The following IFT172 variants were observed in gnomAD, a reference collection of about 807,000 sequenced individuals.
IFT172 encodes intraflagellar transport 172, also known as intraflagellar transport protein 172 homolog.
In IFT172, 164 loss-of-function variants were observed where a neutral mutation model predicts 248.9. The ratio of observed to expected loss-of-function variants is 0.66; its 90% CI spans 0.58 to 0.75. IFT172 has a LOEUF of 0.75. Ranked by LOEUF, IFT172 falls within the 30% of genes least tolerant of loss-of-function variation. The probability of loss-of-function intolerance (pLI) is 0.00; values close to 1 mark genes in which losing one functional copy is unlikely to be tolerated. For missense variants in IFT172, 1,950 were observed against 2,192.4 expected (o/e 0.89, Z 2.21); for synonymous variants, 729 against 791.6 (o/e 0.92, Z 1.33).
intron 1 of IFT172, among the ~76,000 whole-genome samples, chr2:27,487,046 G>A (rs773216343): frequency 5.3e-5 from 8 of 151,856 alleles, no homozygotes; most frequent in African/African-American, 1.2e-4. Context: ...GGGCTCAAGC[G>A]ATTCTCCTGC....
In IFT172 at chr2:27,464,367, C is replaced by A. The variant is rs573486737; in HGVS notation, c.1937+1044G>T. 2.6e-5 allele frequency among the ~76,000 whole-genome samples: 4 copies of A among 152,266 alleles called. No individual in the cohort carries two copies. In the East Asian group the frequency reaches 7.7e-4, roughly 29 times the overall value. ...ATACTATTATTAACCCTATTCTACA[C>A]AGAGAAAATCAAGAAGCCAAGGTTT... On this transcript the variant is annotated intron_variant, in intron 18 of 47. Coordinates refer to ENST00000260570, the MANE Select transcript of IFT172 (RefSeq NM_015662.3).
Position 27,478,023 on chromosome 2 carries a change from C to T in IFT172, c.1139G>A (p.Gly380Glu). ...VAHTSETLLL[G>E]DLNTNRLSEI... ...ACTAAGCCGATTAGTGTTCAGGTCC[C>T]CCAGCAGCAGTGTTTCTGATGTGTG... Residue 380 changes from glycine (G) to glutamate (E), a missense_variant, in exon 11 of 48, where the codon GGG becomes GAG. Gly to Glu is a moderately conservative substitution (Grantham distance 98). Coordinates refer to ENST00000260570, the MANE Select transcript of IFT172 (RefSeq NM_015662.3). 1 of 1,614,156 alleles carries T rather than the reference C, an allele frequency of 6.2e-7. No individual in the cohort carries two copies. Among genetic ancestry groups the T allele is most frequent in the African/African-American group, 1.3e-5 (1 of 75,024 alleles).
chr2:27,471,497 A>C (rs1448261488), intron 15 of IFT172, among the ~76,000 whole-genome samples: 1 of 152,206 alleles, frequency 6.6e-6, no homozygotes, highest in Non-Finnish European at 1.5e-5. Context: ...CTCTGGTGCT[A>C]CCATATTGGG....
chr2:27,456,266 G>GT (rs1162170473), intron 30 of IFT172, among the ~76,000 whole-genome samples: 2 of 152,068 alleles, frequency 1.3e-5, no homozygotes, highest in Non-Finnish European at 2.9e-5. Flanking sequence ...TTACCCAGGA[G>GT]TAAGTTATTG....
chr2:27,448,312 A>T (rs1665352636), intron 40 of IFT172, among the ~76,000 whole-genome samples: 1 of 151,958 alleles, frequency 6.6e-6, no homozygotes, highest in Admixed American at 6.6e-5. Context: ...TGTTAGCCAC[A>T]ATGGTCTCGA....
rs1255731889 is a variant in IFT172 at position 27,463,394 on chromosome 2, AAAAAT to A, written c.1938-218_1938-214del. Reference sequence around the variant, plus strand: ...ATAATTAGTAAAATTGGAGATAATAAAAAATAAAATAAAGTAATGTAATATTACAG... The same window carrying A: ...ATAATTAGTAAAATTGGAGATAATAAAAAATAAAGTAATGTAATATTACAG... On this transcript the variant is annotated intron_variant, in intron 18 of 47. Transcript: ENST00000260570. Among the ~76,000 whole-genome samples the A allele has an allele frequency of 3.9e-5, 6 of 152,180 alleles. No homozygotes were observed. The East Asian group carries it at 7.7e-4, about 20-fold the overall frequency.
At chr2:27,447,458 A>G in intron 42 of IFT172, 57 bp downstream of exon 42, 1 of 1,592,916 alleles carries the variant, frequency 6.3e-7, no homozygotes, top group East Asian at 2.2e-5. Context: ...ATTCAGCTTT[A>G]TACATTTGCA....
intron 16 of IFT172, among the ~76,000 whole-genome samples, chr2:27,467,817 T>C (rs940775964): frequency 3.3e-5 from 5 of 152,048 alleles, no homozygotes; most frequent in African/African-American, 1.2e-4. Flanking sequence ...GATGAAAATA[T>C]GTGTATTCAT....
intron 47 of IFT172, 142 bp downstream of exon 47, chr2:27,444,872 C>T (rs1664907042): frequency 1.2e-6 from 1 of 863,328 alleles, no homozygotes; most frequent in Non-Finnish European, 1.8e-6. Context: ...TGGTCTCAAA[C>T]TCCTGACCTC....
rs375377748 is a variant in IFT172, at chr2:27,454,517, G to T, written c.3465+50C>A. 6.1e-5 allele frequency: 98 copies of T among 1,609,872 alleles called. No homozygotes were observed. The African/African-American group carries it at 1.1e-3, about 18-fold the overall frequency. On this transcript the variant is annotated intron_variant, in intron 31 of 47. Coordinates refer to ENST00000260570, the MANE Select transcript of IFT172 (RefSeq NM_015662.3). This position sits in a 1 kb window ranked among gnomAD's most constrained non-coding sequence, Gnocchi z 4.2. Reference sequence around the variant, plus strand: ...CTGCACACCCAGCAGCAGTGCACTAGGGGATGGAATAAGAGGGCTCTGCGG... The same window carrying T: ...CTGCACACCCAGCAGCAGTGCACTATGGGATGGAATAAGAGGGCTCTGCGG...
chr2:27,456,745 C>A, intron 29 of IFT172, 92 bp from the exon 30 acceptor site: 1 of 1,520,216 alleles, frequency 6.6e-7, no homozygotes, highest in Non-Finnish European at 8.8e-7. Flanking sequence ...AGTAACTGTT[C>A]TAAATTGAAC....
chr2:27,467,898 T>A lies in IFT172; in HGVS notation c.1693-2016A>T, dbSNP rs191735980. 5.3e-3 allele frequency among the ~76,000 whole-genome samples: 809 copies of A among 151,962 alleles called. 7 individuals are homozygous for A. Among genetic ancestry groups the A allele is most frequent in the South Asian group, 0.011 (53 of 4,814 alleles). On this transcript the variant is annotated intron_variant, in intron 16 of 47. Coordinates refer to ENST00000260570, the MANE Select transcript of IFT172 (RefSeq NM_015662.3). The stretch of plus-strand genomic sequence containing the variant: ...ATTTATGGCTGGGTGCAGTGGCTCA[T>A]GCCTGTAATCCCAGCACTATGGGAG...
rs1357887988 is a variant in IFT172 at position 27,463,148 on chromosome 2, AG to A, written c.1970del (p.Ala657ValfsTer32). 6.2e-7 allele frequency: 1 copy of A among 1,614,212 alleles called. No individual in the cohort carries two copies. On this transcript the variant is annotated frameshift_variant, in exon 19 of 48. Coordinates refer to ENST00000260570, the MANE Select transcript of IFT172 (RefSeq NM_015662.3). LOFTEE classifies it high-confidence loss of function. The part of the protein sequence containing the change: ...CFSALGQVAK[A>X]RFLHETNEIA... ...TCTCATTGGTCTCATGCAGGAATCG[AG>A]CTTTTGCTACTTGGCCCAAAGCAGA...
chr2:27,453,035 C>T (rs887804182), intron 35 of IFT172: 14 of 359,870 alleles, frequency 3.9e-5, no homozygotes, highest in Non-Finnish European at 5.4e-5. Context: ...TCCAAGTCTT[C>T]CCTCCTTCTT....
chr2:27,453,952 C>T, intron 33 of IFT172, 30 bp downstream of exon 33: 1 of 1,585,982 alleles, frequency 6.3e-7, no homozygotes, highest in Non-Finnish European at 8.6e-7. Context: ...CTCTCCCCCT[C>T]CCCTCATGGC....
intron 14 of IFT172, chr2:27,475,351 T>C (rs1239776158): frequency 2.0e-5 from 3 of 152,314 alleles, no homozygotes; most frequent in Admixed American, 6.5e-5. Flanking sequence ...TGAATCACTG[T>C]AATAGTGAAA....
rs757728167 is a variant in IFT172 at position 27,453,449 on chromosome 2, C to T, written c.3886G>A (p.Val1296Met). Residue 1296 changes from valine to methionine, a missense_variant, in exon 35 of 48, where the codon GTG (valine) becomes ATG (methionine). This residue lies in a region of IFT172 where 620 missense variants were observed against 699.0 expected (regional missense o/e 0.89). Coordinates refer to ENST00000260570, the MANE Select transcript of IFT172 (RefSeq NM_015662.3). ...WEQAGEYSRA[V>M]DCYLKVRDSG... ...TCTCGCACTTTGAGGTAGCAGTCCA[C>T]GGCACGGCTGTACTCTCCAGCCTGC... The T allele has an allele frequency of 8.1e-6, 13 of 1,614,048 alleles. No homozygotes were observed. Among genetic ancestry groups the T allele is most frequent in the South Asian group, 4.4e-5 (4 of 91,094 alleles).
intron 14 of IFT172, among the ~76,000 whole-genome samples, chr2:27,474,608 G>A (rs1260359025): frequency 1.3e-5 from 2 of 152,110 alleles, no homozygotes; most frequent in African/African-American, 4.8e-5. Flanking sequence ...TTAGAGTGCA[G>A]TGGCACAATC....
chr2:27,444,952 T>G, intron 47 of IFT172, 62 bp downstream of exon 47: 1 of 1,538,828 alleles, frequency 6.5e-7, no homozygotes, highest in Non-Finnish European at 8.8e-7. Flanking sequence ...CCCAGACTTG[T>G]TTTTTTTTCT....
Sources: gnomAD v4.1 joint callset for allele counts (sites outside exome capture counted in the v4.1 genomes callset) on GRCh38, gnomAD v4.1.1 for gene constraint, gnomAD v4.1.1 regional missense constraint, Gnocchi (gnomAD v3.1) non-coding constraint, MANE v1.5 for transcripts, NCBI Gene and HGNC (gene_info 2026-07-23, HGNC 2026-07-21) for gene names.